The following NR2F2 variants were observed in gnomAD, a reference collection of about 807,000 sequenced individuals.
NR2F2 encodes the protein nuclear receptor subfamily 2 group F member 2.
In NR2F2, 2 loss-of-function variants were observed where a neutral mutation model predicts 34.8. That is an observed-to-expected ratio of 0.06 (90% CI 0.02 to 0.18). NR2F2 has a LOEUF of 0.18. NR2F2 is among the 10% of genes least tolerant of loss of function. The probability of loss-of-function intolerance (pLI) is 1.00; values close to 1 mark genes in which losing one functional copy is unlikely to be tolerated. For missense variants in NR2F2, 300 were observed against 580.1 expected (o/e 0.52, Z 4.96); for synonymous variants, 274 against 251.8 (o/e 1.09, Z -0.84).
Position 96,333,587 on chromosome 15 carries a change from C to T in NR2F2, c.443-489C>T, listed in dbSNP as rs1899223220. The T allele has an allele frequency of 1.3e-5, 13 of 1,008,656 alleles. No homozygotes were observed. In the South Asian group the frequency reaches 5.8e-4, roughly 45 times the overall value. 62.5% of individuals were successfully genotyped at this position (1,008,656 alleles called of 1,614,324 possible). ...GGGGGGGTTCCCCGCCGGGCTGGGG[C>T]TGGGGCTTCGGGGTTTGTGGGAGAG... is the stretch of plus-strand genomic sequence containing the variant. On this transcript the variant is annotated intron_variant, in intron 1 of 2. Transcript: ENST00000394166.
At chr15:96,330,194 G>A (rs1441323744), upstream of NR2F2, among the ~76,000 whole-genome samples, 1 of 152,162 alleles carries the variant, frequency 6.6e-6, no homozygotes, top group Non-Finnish European at 1.5e-5. Context: ...AGGAGTCCCG[G>A]GTGGTGCGCG....
At chr15:96,329,615 G>A (rs1401738306), upstream of NR2F2, among the ~76,000 whole-genome samples, 1 of 152,154 alleles carries the variant, frequency 6.6e-6, no homozygotes, top group African/African-American at 2.4e-5. Flanking sequence ...GTCTTTGTCT[G>A]TGTACATTGA....
rs1899146219 is a variant in NR2F2, at chr15:96,331,634, GC to G, written c.-471del. 8.4e-7 allele frequency: 1 copy of G among 1,184,412 alleles called. No homozygotes were observed. Among genetic ancestry groups the G allele is most frequent in the African/African-American group, 1.6e-5 (1 of 62,772 alleles). 73.4% of individuals were successfully genotyped at this position (1,184,412 alleles called of 1,614,324 possible). ...CCTCGGCTGCACACCAGCTCTAAGA[GC>G]GAGAGTGAACGAGAGAGGGAGGGAG... On this transcript the variant is annotated 5_prime_UTR_variant, in exon 1 of 3. Transcript: ENST00000394166.
At position 96,334,540 on chromosome 15, in the gene NR2F2, A is replaced by C; in HGVS notation, c.907A>C (p.Lys303Gln). The C allele has an allele frequency of 6.2e-7, 1 of 1,613,438 alleles. No individual in the cohort carries two copies. Among genetic ancestry groups the C allele is most frequent in the Non-Finnish European group, 8.5e-7 (1 of 1,179,970 alleles). ...RIFQEQVEKL[K>Q]ALHVDSAEYS... is the part of the protein sequence containing the mutation. ...CTTCCAAGAGCAAGTGGAGAAGCTC[A>C]AGGCGCTGCACGTTGACTCAGCCGA... Residue 303 changes from lysine (K) to glutamine (Q), a missense_variant, in exon 2 of 3, where the codon AAG (lysine) becomes CAG (glutamine). By Grantham distance (53) the Lys-to-Gln change is moderately conservative (BLOSUM62 1). Coordinates refer to ENST00000394166, the MANE Select transcript of NR2F2 (RefSeq NM_021005.4).
rs1385648822 is a variant in NR2F2, at chr15:96,333,686, A to C, written c.443-390A>C. 33 of 1,117,534 alleles carry C rather than the reference A, an allele frequency of 3.0e-5. No homozygotes were observed. The East Asian group carries it at 1.4e-3, about 48-fold the overall frequency. 69.2% of individuals were successfully genotyped at this position (1,117,534 alleles called of 1,614,324 possible). Reference sequence around the variant, plus strand: ...TGCAAAAGCGCCTCACCCTCCCCCCAGACTCGCCCCTCCCGCTCCCTCTCC... The same window carrying C: ...TGCAAAAGCGCCTCACCCTCCCCCCCGACTCGCCCCTCCCGCTCCCTCTCC... On this transcript the variant is annotated intron_variant, in intron 1 of 2. Coordinates refer to ENST00000394166, the MANE Select transcript of NR2F2 (RefSeq NM_021005.4).
Position 96,331,147 on chromosome 15 carries a change from C to T in NR2F2, c.-959C>T. 8 of 1,063,770 alleles carry T rather than the reference C, an allele frequency of 7.5e-6. No individual in the cohort carries two copies. Among genetic ancestry groups the T allele is most frequent in the Non-Finnish European group, 9.1e-6 (8 of 875,558 alleles). The allele number at this position is 1,063,770 out of a possible 1,614,324, so 65.9% of individuals were successfully genotyped here. On this transcript the variant is annotated 5_prime_UTR_variant, in exon 1 of 3. Transcript: ENST00000394166. ...CTAGACGCAGCGGCTCCGGGCCCGA[C>T]CCGGCGGCTTCGGCGGCGGCTCCGG...
At chr15:96,333,458 T>C (rs1239317731) in intron 1 of NR2F2, 48 of 1,002,484 alleles carry the variant, frequency 4.8e-5, no homozygotes, top group Non-Finnish European at 5.8e-5. Context: ...CGGCTTCCTC[T>C]CTCTTTAGCC....
chr15:96,337,388 G>A lies in NR2F2; in HGVS notation c.1011G>A (p.Leu337=). The A allele has an allele frequency of 6.2e-7, 1 of 1,613,988 alleles. No individual in the cohort carries two copies. The highest frequency in any genetic ancestry group is 8.5e-7 in the Non-Finnish European group (1 of 1,180,014). The change falls in exon 3 of 3, where the codon TTG becomes TTA. Residue 337 remains leucine, a synonymous_variant. Coordinates refer to ENST00000394166, the MANE Select transcript of NR2F2 (RefSeq NM_021005.4). ...CTGATGTAGCCCATGTGGAAAGCTT[G>A]CAGGAAAAGTCTCAGTGTGCTTTGG... ...GLSDVAHVES[L]QEKSQCALEE...
intron 1 of NR2F2, 137 bp downstream of exon 1, chr15:96,332,684 A>C (rs1899180530): frequency 1.0e-5 from 15 of 1,443,418 alleles, no homozygotes; most frequent in Non-Finnish European, 1.4e-5. Context: ...TTTATACTAG[A>C]AGCGAGTTCT....
rs1458403773 is a variant in NR2F2 at position 96,331,608 on chromosome 15, T to C, written c.-498T>C. ...CTCCTCCTCCTCCTCCTCCGCCAAC[T>C]CCTCGGCTGCACACCAGCTCTAAGA... On this transcript the variant is annotated 5_prime_UTR_variant, in exon 1 of 3. Coordinates refer to ENST00000394166, the MANE Select transcript of NR2F2 (RefSeq NM_021005.4). 9 of 1,196,640 alleles carry C rather than the reference T, an allele frequency of 7.5e-6. No individual in the cohort carries two copies. The highest frequency in any genetic ancestry group is 3.3e-5 in the East Asian group (1 of 30,752). The allele number at this position is 1,196,640 out of a possible 1,614,324, so 74.1% of individuals were successfully genotyped here.
upstream of NR2F2, among the ~76,000 whole-genome samples, chr15:96,328,257 G>A (rs549215148): frequency 6.6e-5 from 10 of 152,276 alleles, no homozygotes; most frequent in South Asian, 2.1e-3. Flanking sequence ...TTAAGATATG[G>A]TTGGGAAATT....
chr15:96,326,466 G>T (rs73471280), upstream of NR2F2: 7,241 of 845,196 alleles, frequency 8.6e-3, 303 homozygotes, highest in African/African-American at 0.11. This position sits in a 1 kb window ranked among gnomAD's most constrained non-coding sequence, Gnocchi z 5.5. Flanking sequence ...TTGCTAACGT[G>T]TATGAAATGC....
At chr15:96,334,802 C>T (rs554796652) in intron 2 of NR2F2, among the ~76,000 whole-genome samples, 199 bp downstream of exon 2, 1 of 152,374 alleles carries the variant, frequency 6.6e-6, no homozygotes, top group Admixed American at 6.5e-5. Flanking sequence ...GGCTGGATTG[C>T]AGGAAGGATG....
chr15:96,334,054 G>C (rs181659695), intron 1 of NR2F2, 22 bp from the exon 2 acceptor site: 45 of 1,603,808 alleles, frequency 2.8e-5, no homozygotes, highest in Non-Finnish European at 3.5e-5. Flanking sequence ...TAACTGTGGA[G>C]TGTCTCCTTT....
Position 96,331,937 on chromosome 15 carries a change from A to C in NR2F2, c.-169A>C, listed in dbSNP as rs1351848307. 1 of 1,206,122 alleles carries C rather than the reference A, an allele frequency of 8.3e-7. No individual in the cohort carries two copies. Among genetic ancestry groups the C allele is most frequent in the Non-Finnish European group, 1.0e-6 (1 of 971,874 alleles). 74.7% of individuals were successfully genotyped at this position (1,206,122 alleles called of 1,614,324 possible). A position where few individuals can be genotyped will look rare whatever the true frequency, so the allele number is the denominator to read the frequency against. On this transcript the variant is annotated 5_prime_UTR_variant, in exon 1 of 3. Transcript: ENST00000394166. ...AAAAACAAAAAAGGAAAAACTAACC[A>C]ACCTCAACCAACCAGCCCCCGAGCC...
At position 96,331,959 on chromosome 15, in the gene NR2F2, A is replaced by C. The variant is rs1899158914; in HGVS notation, c.-147A>C. ...ACCAACCTCAACCAACCAGCCCCCG[A>C]GCCACCCGGGGCGCCCTCCCGCGCC... On this transcript the variant is annotated 5_prime_UTR_variant, in exon 1 of 3. Transcript: ENST00000394166. 3 of 1,208,106 alleles carry C rather than the reference A, an allele frequency of 2.5e-6. No individual in the cohort carries two copies. The highest frequency in any genetic ancestry group is 4.4e-5 in the Admixed American group (1 of 22,698). The allele number at this position is 1,208,106 out of a possible 1,614,324, so 74.8% of individuals were successfully genotyped here.
At position 96,336,235 on chromosome 15, in the gene NR2F2, A is replaced by C. The variant is rs149145306; in HGVS notation, c.971-1113A>C. Among the ~76,000 whole-genome samples, 12 of 152,310 alleles carry C rather than the reference A, an allele frequency of 7.9e-5. No individual in the cohort carries two copies. The East Asian group carries it at 2.3e-3, about 29-fold the overall frequency. On this transcript the variant is annotated intron_variant, in intron 2 of 2. Transcript: ENST00000394166. The stretch of plus-strand genomic sequence containing the variant: ...TGTGGAGGCCTGTGTGGAGAATGCA[A>C]ATCGCCTCACAAAGAGATAAAGGTT...
rs779803457 is a variant in NR2F2, at chr15:96,332,201, G to A, written c.96G>A (p.Pro32=). The A allele has an allele frequency of 3.7e-6, 5 of 1,336,332 alleles. No homozygotes were observed. Among genetic ancestry groups the A allele is most frequent in the Admixed American group, 7.2e-5 (2 of 27,616 alleles). 82.8% of individuals were successfully genotyped at this position (1,336,332 alleles called of 1,614,324 possible). The change falls in exon 1 of 3, where the codon CCG becomes CCA. Residue 32 remains proline, a synonymous_variant. Transcript: ENST00000394166. The part of the protein sequence containing the change: ...QASQAPPVPG[P]PPGAPHTPQT... ...CGCAGGCGCCGCCCGTGCCCGGCCC[G>A]CCGCCCGGCGCCCCGCACACGCCAC...
chr15:96,334,708 G>C (rs1031829427), intron 2 of NR2F2, 105 bp downstream of exon 2: 1 of 1,291,064 alleles, frequency 7.7e-7, no homozygotes, highest in Non-Finnish European at 1.1e-6. Flanking sequence ...TCCTTGAAAG[G>C]CCAAACTGTT....
Sources: gnomAD v4.1 joint callset for allele counts (sites outside exome capture counted in the v4.1 genomes callset) on GRCh38, gnomAD v4.1.1 for gene constraint, Gnocchi (gnomAD v3.1) non-coding constraint, MANE v1.5 for transcripts, NCBI Gene and HGNC (gene_info 2026-07-23, HGNC 2026-07-21) for gene names.